The following SLC9A6 variants were observed in gnomAD, a reference collection of about 807,000 sequenced individuals.
SLC9A6 encodes solute carrier family 9 member A6, also known as sodium/hydrogen exchanger 6.
Under a neutral mutation model 45.3 loss-of-function variants are expected in SLC9A6, and 6 were observed. The observed-to-expected ratio is 0.13, with a 90% CI of 0.07 to 0.26. The LOEUF is 0.26. SLC9A6 is among the 10% of genes least tolerant of loss of function. SLC9A6 has a pLI of 1.00. For synonymous variants in SLC9A6, 191 were observed against 187.7 expected (o/e 1.02, Z -0.14); for missense variants, 278 against 503.7 (o/e 0.55, Z 4.29).
chrX:136,002,192 C>T lies in SLC9A6; in HGVS notation c.722C>T (p.Ala241Val). ...LLFGESVLNDAVAIVLSSSIV... is the reference protein window; with the variant it reads ...LLFGESVLNDVVAIVLSSSIV... ...TTTGGTGAAAGTGTCCTCAATGATG[C>T]TGTTGCCATAGTGCTGTCCTCGTAA... The change falls in exon 7 of 18, where the codon GCT becomes GTT. Residue 241 changes from alanine to valine, a missense_variant. Physicochemically the swap from Ala to Val is moderately conservative, Grantham distance 64. Coordinates refer to ENST00000630721, the MANE Select transcript of SLC9A6 (RefSeq NM_001379110.1). 8.4e-7 allele frequency: 1 copy of T among 1,191,309 alleles called. No individual in the cohort carries two copies. Among genetic ancestry groups the T allele is most frequent in the Non-Finnish European group, 1.1e-6 (1 of 876,927 alleles).
chrX:136,000,582 A>G (rs1452347021), intron 6 of SLC9A6, among the ~76,000 whole-genome samples: 1 of 112,262 alleles, frequency 8.9e-6, no homozygotes, highest in African/African-American at 3.2e-5. Context: ...TGATAGGACT[A>G]TTGCCTGAAT....
chrX:136,011,386 C>T (rs782306012), intron 8 of SLC9A6, among the ~76,000 whole-genome samples: 4 of 110,921 alleles, frequency 3.6e-5, no homozygotes, highest in African/African-American at 1.3e-4. Flanking sequence ...ATTACAGGTG[C>T]GCAACACCAC....
chrX:135,988,342 G>A (rs782173615), intron 2 of SLC9A6, among the ~76,000 whole-genome samples: 3 of 111,413 alleles, frequency 2.7e-5, no homozygotes, highest in Admixed American at 1.9e-4. Flanking sequence ...TGGGTGCTGT[G>A]GACCAAACAG....
At position 136,031,563 on chromosome X, in the gene SLC9A6, G is replaced by T. The variant is rs782254260; in HGVS notation, c.1581+1401G>T. On this transcript the variant is annotated intron_variant, in intron 15 of 17. Coordinates refer to ENST00000630721, the MANE Select transcript of SLC9A6 (RefSeq NM_001379110.1). The stretch of plus-strand genomic sequence containing the variant: ...AAAAATACAGAAATTAGCTGGGCGT[G>T]GTGGTGGGTGCCTGTAGTCCCAGCT... 4.5e-5 allele frequency among the ~76,000 whole-genome samples: 5 copies of T among 112,100 alleles called. No homozygotes were observed. In the East Asian group the frequency reaches 1.4e-3, roughly 32 times the overall value.
At chrX:136,026,690 C>T (rs2071233186) in intron 13 of SLC9A6, among the ~76,000 whole-genome samples, 1 of 111,167 alleles carries the variant, frequency 9.0e-6, no homozygotes, top group African/African-American at 3.3e-5. Context: ...CATGCACCAC[C>T]ACACCTGGCT....
chrX:136,035,072 C>T (rs781860132), intron 16 of SLC9A6, among the ~76,000 whole-genome samples: 13 of 111,675 alleles, frequency 1.2e-4, no homozygotes, highest in Non-Finnish European at 2.3e-4. Context: ...AAGTAAACAC[C>T]AAGGCTTGTT....
upstream of SLC9A6, among the ~76,000 whole-genome samples, chrX:135,980,215 G>C (rs1433267642): frequency 2.4e-5 from 1 of 42,159 alleles, no homozygotes; most frequent in African/African-American, 8.3e-5. Flanking sequence ...CCCAATACAT[G>C]ATTTTTTTTT....
At chrX:136,002,064 A>G in intron 6 of SLC9A6, 44 bp from the exon 7 acceptor site, 2 of 858,445 alleles carry the variant, frequency 2.3e-6, no homozygotes, top group Non-Finnish European at 3.5e-6. Context: ...AATATGTTAT[A>G]TTTGTAATGT....
intron 2 of SLC9A6, among the ~76,000 whole-genome samples, chrX:135,988,996 T>A (rs1418109237): frequency 9.0e-6 from 1 of 110,994 alleles, no homozygotes; most frequent in East Asian, 2.8e-4. Flanking sequence ...AGCTATCTTA[T>A]TATTATTAAT....
At chrX:136,034,478 A>C (rs940987891) in intron 16 of SLC9A6, among the ~76,000 whole-genome samples, 9 of 111,732 alleles carry the variant, frequency 8.1e-5, no homozygotes, top group Non-Finnish European at 1.9e-5. Flanking sequence ...TATCATTATT[A>C]AAATTAATTT....
chrX:135,985,512 C>T, intron 1 of SLC9A6, 35 bp downstream of exon 1: 1 of 1,106,755 alleles, frequency 9.0e-7, no homozygotes, highest in Non-Finnish European at 1.2e-6. Context: ...CATGGCTCGG[C>T]GCGGCTGGCG....
chrX:136,043,792 G>C (rs1380239231), intron 17 of SLC9A6, among the ~76,000 whole-genome samples: 1 of 111,985 alleles, frequency 8.9e-6, no homozygotes, highest in African/African-American at 3.3e-5. Context: ...CCTTATTTAA[G>C]TATACTATTT....
At chrX:136,040,871 C>T (rs2071495565) in intron 17 of SLC9A6, among the ~76,000 whole-genome samples, 1 of 112,441 alleles carries the variant, frequency 8.9e-6, no homozygotes, top group Non-Finnish European at 1.9e-5. Context: ...CCTGTAATCC[C>T]AGCACTTTGG....
At chrX:135,992,681 C>G (rs2089450883) in intron 2 of SLC9A6, among the ~76,000 whole-genome samples, 1 of 112,141 alleles carries the variant, frequency 8.9e-6, no homozygotes, top group African/African-American at 3.2e-5. Flanking sequence ...GGTGACATCT[C>G]TGGAAAGACT....
At chrX:136,004,278 G>A (rs1006186208) in intron 7 of SLC9A6, among the ~76,000 whole-genome samples, 16 of 108,171 alleles carry the variant, frequency 1.5e-4, no homozygotes, top group African/African-American at 4.7e-4. Context: ...TAGTAAAGAC[G>A]GGGTTTCACT....
At chrX:136,015,662 G>A (rs1183686238) in intron 10 of SLC9A6, among the ~76,000 whole-genome samples, 1 of 112,005 alleles carries the variant, frequency 8.9e-6, no homozygotes, top group East Asian at 2.8e-4. Context: ...GTATAAATAA[G>A]TAGTAATAAT....
chrX:136,012,970 C>T lies in SLC9A6; in HGVS notation c.907C>T (p.Arg303Trp). Residue 303 changes from arginine to tryptophan, a missense_variant, in exon 9 of 18, where the codon CGG becomes TGG. Coordinates refer to ENST00000630721, the MANE Select transcript of SLC9A6 (RefSeq NM_001379110.1). ...TALVTKFTKL[R>W]EFQLLETGLF... ...TTACGTGACAAAGTTCACCAAATTA[C>T]GGGAGTTCCAGTTGTTGGAGACAGG... 8.3e-7 allele frequency: 1 copy of T among 1,208,370 alleles called. No individual in the cohort carries two copies. Among genetic ancestry groups the T allele is most frequent in the Non-Finnish European group, 1.1e-6 (1 of 892,346 alleles).
chrX:135,998,937 G>A lies in SLC9A6; in HGVS notation c.606G>A (p.Leu202=). 8.3e-7 allele frequency: 1 copy of A among 1,201,404 alleles called. No homozygotes were observed. The highest frequency in any genetic ancestry group is 1.1e-6 in the Non-Finnish European group (1 of 886,165). Residue 202 remains leucine (L), a synonymous_variant, in exon 6 of 18, where the codon CTG becomes CTA. Transcript: ENST00000630721. Reference sequence around the variant, plus strand: ...ATTTTTACTTTACAGATTGCCTACTGTTTGGTGCCATTGTATCAGCAACTG... The same window carrying A: ...ATTTTTACTTTACAGATTGCCTACTATTTGGTGCCATTGTATCAGCAACTG... ...AGDFYFTDCL[L]FGAIVSATDP...
intron 2 of SLC9A6, 40 bp downstream of exon 2, chrX:135,985,867 C>T (rs782216973): frequency 5.0e-6 from 6 of 1,200,571 alleles, no homozygotes; most frequent in Non-Finnish European, 6.8e-6. Flanking sequence ...GGCGCTGCCC[C>T]TTTCTCTGCC....
Sources: gnomAD v4.1 joint callset for allele counts (sites outside exome capture counted in the v4.1 genomes callset) on GRCh38, gnomAD v4.1.1 for gene constraint, MANE v1.5 for transcripts, NCBI Gene and HGNC (gene_info 2026-07-23, HGNC 2026-07-21) for gene names.